Variants in USPL1 observed in about 807,000 individuals in gnomAD.
USPL1 encodes SUMO-specific isopeptidase USPL1.
USPL1 carries 27 observed loss-of-function variants against 51.5 expected under a neutral mutation model. The observed-to-expected ratio is 0.52, with a 90% CI of 0.39 to 0.72. The LOEUF (loss-of-function observed/expected upper bound fraction) is 0.72, where lower values mean the gene tolerates loss of function less well. Among genes scored for constraint, USPL1 ranks in the 30% least tolerant of loss-of-function variants. USPL1 has a pLI of 0.00. For synonymous variants in USPL1, 451 were observed against 459.6 expected, an observed-to-expected ratio of 0.98 and a Z score of 0.24; for missense variants, 1,226 against 1,268.0, an observed-to-expected ratio of 0.97 and a Z score of 0.50.
At chr13:30,644,931 T>G (rs1326323202) in intron 6 of USPL1, among the ~76,000 whole-genome samples, 1 of 152,228 alleles carries the variant, frequency 6.6e-6, no homozygotes, top group Non-Finnish European at 1.5e-5. Flanking sequence ...AGAACACATC[T>G]GTTTCCAGTC....
chr13:30,631,376 G>T lies in USPL1; in HGVS notation c.770G>T (p.Gly257Val). The stretch of plus-strand genomic sequence containing the variant: ...GAAGAGTTAAAGAACACCGTGACTG[G>T]ACTGTGCTCGAAGGAGGAATCTATA... ...HSEELKNTVT[G>V]LCSKEESIFW... Residue 257 changes from glycine (G) to valine (V), a missense_variant, in exon 4 of 9, where the codon GGA (glycine) becomes GTA (valine). Coordinates refer to ENST00000255304, the MANE Select transcript of USPL1 (RefSeq NM_005800.5). The T allele has an allele frequency of 1.2e-6, 2 of 1,614,220 alleles. No homozygotes were observed. The highest frequency in any genetic ancestry group is 1.7e-6 in the Non-Finnish European group (2 of 1,180,042).
Position 30,650,226 on chromosome 13 carries a change from A to G in USPL1, c.1239-2922A>G, listed in dbSNP as rs114088025. On this transcript the variant is annotated intron_variant, in intron 7 of 8. Transcript: ENST00000255304. The stretch of plus-strand genomic sequence containing the variant: ...AAGGGAAGGGGAAGGATATTATTTG[A>G]TTGACTCCAAGATGCTACTGTTTGT... Among the ~76,000 whole-genome samples the G allele has an allele frequency of 4.1e-3, 630 of 152,294 alleles. 4 individuals are homozygous for G. The highest frequency in any genetic ancestry group is 0.014 in the African/African-American group (565 of 41,572).
intron 3 of USPL1, among the ~76,000 whole-genome samples, chr13:30,627,177 G>A (rs1950728174): frequency 6.6e-6 from 1 of 151,762 alleles, no homozygotes; most frequent in South Asian, 2.1e-4. Context: ...AATGCTTTGT[G>A]TATATTTTTA....
At chr13:30,627,729 G>T (rs894051228) in intron 3 of USPL1, among the ~76,000 whole-genome samples, 1 of 151,686 alleles carries the variant, frequency 6.6e-6, no homozygotes, top group Non-Finnish European at 1.5e-5. Flanking sequence ...CCATTTTTAT[G>T]TATAGAGTTC....
Position 30,658,858 on chromosome 13 carries a change from G to T in USPL1, c.2781G>T (p.Gly927=), listed in dbSNP as rs1210713099. The T allele has an allele frequency of 6.2e-7, 1 of 1,613,816 alleles. No homozygotes were observed. Among genetic ancestry groups the T allele is most frequent in the East Asian group, 2.2e-5 (1 of 44,892 alleles). ...ATCTAGAACAGGTGCCCCAGGATGG[G>T]TCTCCAAATGATTGTGAATCAATAG... ...SENLEQVPQD[G]SPNDCESIED... Residue 927 remains glycine, a synonymous_variant, in exon 9 of 9, where the codon GGG becomes GGT. Coordinates refer to ENST00000255304, the MANE Select transcript of USPL1 (RefSeq NM_005800.5).
intron 4 of USPL1, among the ~76,000 whole-genome samples, chr13:30,632,168 A>T (rs1239353555): frequency 6.6e-6 from 1 of 151,656 alleles, no homozygotes; most frequent in South Asian, 2.1e-4. Flanking sequence ...CCCTGTGTCC[A>T]TGTGTTCTCA....
chr13:30,642,769 T>C lies in USPL1; in HGVS notation c.1112+12T>C, dbSNP rs752769305. ...CAATATCAAAACAGGTTAGTTTCTT[T>C]TGTTTTTTAAAATGGGTTCTTCTAG... is the stretch of plus-strand genomic sequence containing the variant. On this transcript the variant is annotated intron_variant, in intron 6 of 8. Coordinates refer to ENST00000255304, the MANE Select transcript of USPL1 (RefSeq NM_005800.5). 3.1e-6 allele frequency: 5 copies of C among 1,604,658 alleles called. No homozygotes were observed. The highest frequency in any genetic ancestry group is 1.7e-4 in the Middle Eastern group (1 of 6,028).
At chr13:30,649,823 G>A (rs1000094358) in intron 7 of USPL1, among the ~76,000 whole-genome samples, 13 of 152,110 alleles carry the variant, frequency 8.5e-5, no homozygotes, top group Non-Finnish European at 1.5e-5. Flanking sequence ...TAAATAGGAG[G>A]AGTTTAACCC....
At chr13:30,643,306 T>G (rs972041186) in intron 6 of USPL1, among the ~76,000 whole-genome samples, 2 of 152,184 alleles carry the variant, frequency 1.3e-5, no homozygotes, top group Non-Finnish European at 2.9e-5. Flanking sequence ...GCATAAGGTG[T>G]ATATGAAACA....
In USPL1 at chr13:30,638,586, C is replaced by T. The variant is rs78897828; in HGVS notation, c.982+729C>T. Among the ~76,000 whole-genome samples the T allele has an allele frequency of 9.7e-3, 1,468 of 151,922 alleles. 31 individuals are homozygous for T. The highest frequency in any genetic ancestry group is 0.034 in the African/African-American group (1,394 of 41,408). On this transcript the variant is annotated intron_variant, in intron 5 of 8. Transcript: ENST00000255304. ...TTTTTAGTATTGCGAAAAGGAGCTG[C>T]GGGGTTTTTTTGTTTGTTTTTGTTT... is the stretch of plus-strand genomic sequence containing the variant.
At chr13:30,637,604 G>A (rs560977617) in intron 4 of USPL1, 140 bp from the exon 5 acceptor site, 48 of 635,912 alleles carry the variant, frequency 7.5e-5, no homozygotes, top group Non-Finnish European at 1.3e-4. Context: ...CACAGAGAAA[G>A]AATTAAGGAA....
chr13:30,626,149 C>G (rs1025043824), intron 3 of USPL1, among the ~76,000 whole-genome samples: 3 of 152,036 alleles, frequency 2.0e-5, no homozygotes, highest in African/African-American at 7.2e-5. Context: ...AAACCTGTCT[C>G]TACTAAAAAT....
chr13:30,620,992 A>G (rs1315909779), intron 1 of USPL1, 81 bp from the exon 2 acceptor site: 1 of 630,162 alleles, frequency 1.6e-6, no homozygotes, highest in Non-Finnish European at 2.7e-6. Flanking sequence ...TGCTTACTAT[A>G]TACGTCTTAT....
At position 30,657,451 on chromosome 13, in the gene USPL1, T is replaced by A. The variant is rs114324988; in HGVS notation, c.1397-23T>A. The A allele has an allele frequency of 7.8e-4, 1,217 of 1,553,824 alleles. 7 individuals are homozygous for A. In the African/African-American group the frequency reaches 0.014, roughly 18 times the overall value. ...GATGGTGGTTTTTGAATATCTAACT[T>A]TCACTTCTTTCCCATCTTCCAGGAA... On this transcript the variant is annotated intron_variant, in intron 8 of 8. Transcript: ENST00000255304.
At chr13:30,625,627 G>A (rs1000757080) in intron 3 of USPL1, among the ~76,000 whole-genome samples, 10 of 151,774 alleles carry the variant, frequency 6.6e-5, no homozygotes, top group African/African-American at 2.4e-4. Flanking sequence ...TGTATTTTTA[G>A]TAGAGACGGG....
At chr13:30,644,151 C>T (rs530498049) in intron 6 of USPL1, among the ~76,000 whole-genome samples, 8 of 151,732 alleles carry the variant, frequency 5.3e-5, no homozygotes, top group African/African-American at 1.9e-4. Flanking sequence ...GGCATGATGG[C>T]GGACACCTGT....
rs753126850 is a variant in USPL1 at position 30,658,934 on chromosome 13, G to T, written c.2857G>T (p.Ala953Ser). The change falls in exon 9 of 9, where the codon GCA (alanine) becomes TCA (serine). Residue 953 changes from alanine (A) to serine (S), a missense_variant. Transcript: ENST00000255304. ...PYPIDIASESACTTVPGVSLY... is the reference protein window; with the variant it reads ...PYPIDIASESSCTTVPGVSLY... ...TCCAATTGATATTGCCAGTGAGTCTGCATGCACCACTGTTCCTGGTGTTTC... is the reference window on the plus strand; with the variant it reads ...TCCAATTGATATTGCCAGTGAGTCTTCATGCACCACTGTTCCTGGTGTTTC... 5 of 1,614,088 alleles carry T rather than the reference G, an allele frequency of 3.1e-6. No individual in the cohort carries two copies. The highest frequency in any genetic ancestry group is 4.2e-6 in the Non-Finnish European group (5 of 1,180,046).
chr13:30,653,116 T>A lies in USPL1; in HGVS notation c.1239-32T>A, dbSNP rs753826633. 4 of 1,547,546 alleles carry A rather than the reference T, an allele frequency of 2.6e-6. No individual in the cohort carries two copies. In the African/African-American group the frequency reaches 4.1e-5, roughly 16 times the overall value. On this transcript the variant is annotated intron_variant, in intron 7 of 8. Transcript: ENST00000255304. ...ATAATCAGACACATGGCATTAAATT[T>A]ATTTAACTTCTCTTGCTTTTCTCTC...
intron 4 of USPL1, among the ~76,000 whole-genome samples, chr13:30,635,374 G>A (rs1399574199): frequency 6.6e-6 from 1 of 152,068 alleles, no homozygotes; most frequent in African/African-American, 2.4e-5. Flanking sequence ...CATTTGCATA[G>A]CCAGTTTTTG....
Sources: gnomAD v4.1 joint callset for allele counts (sites outside exome capture counted in the v4.1 genomes callset) on GRCh38, gnomAD v4.1.1 for gene constraint, MANE v1.5 for transcripts, NCBI Gene and HGNC (gene_info 2026-07-23, HGNC 2026-07-21) for gene names.